The following APOBEC3C variants were observed in gnomAD, a reference collection of about 807,000 sequenced individuals.
APOBEC3C encodes the protein DNA dC->dU-editing enzyme APOBEC-3C.
In APOBEC3C, 14 loss-of-function variants were observed where a neutral mutation model predicts 20.6. The ratio of observed to expected loss-of-function variants is 0.68; its 90% CI spans 0.45 to 1.06. APOBEC3C has a LOEUF of 1.06. Ranked by LOEUF, APOBEC3C falls within the 50% of genes least tolerant of loss-of-function variation. The pLI, the probability that APOBEC3C is intolerant of heterozygous loss-of-function variation, is 0.00. For missense variants in APOBEC3C, 244 were observed against 241.9 expected, an observed-to-expected ratio of 1.01 and a Z score of -0.06; for synonymous variants, 98 against 88.8, an observed-to-expected ratio of 1.10 and a Z score of -0.58.
Position 39,017,789 on chromosome 22 carries a change from T to G in APOBEC3C, c.198T>G (p.His66Gln). The G allele has an allele frequency of 6.2e-7, 1 of 1,613,726 alleles. No individual in the cohort carries two copies. Among genetic ancestry groups the G allele is most frequent in the African/African-American group, 1.3e-5 (1 of 75,036 alleles). ...AGGTGGATTCTGAGACCCATTGTCA[T>G]GCAGAAAGGTGCTTCCTCTCTTGGT... ...RNQVDSETHC[H>Q]AERCFLSWFC... The change falls in exon 3 of 4, where the codon CAT becomes CAG. Residue 66 changes from histidine to glutamine, a missense_variant. Transcript: ENST00000361441.
intron 2 of APOBEC3C, among the ~76,000 whole-genome samples, chr22:39,017,306 C>T (rs992338292): frequency 2.6e-5 from 4 of 151,630 alleles, no homozygotes; most frequent in East Asian, 1.9e-4. Context: ...AATAAAACAC[C>T]CTGGGGCCTA....
intron 2 of APOBEC3C, among the ~76,000 whole-genome samples, chr22:39,017,030 G>A (rs1184437508): frequency 6.6e-5 from 10 of 152,126 alleles, no homozygotes; most frequent in Admixed American, 4.6e-4. Context: ...TTGGGAGTTC[G>A]AGACCAGCCT....
Position 39,018,441 on chromosome 22 carries a change from A to C in APOBEC3C, c.*54A>C. ...TCCTCTAGCCTCCTGCTCATGCTGCACGGGCCTCCCCTCCACCCTGGACCC... is the reference window on the plus strand; with the variant it reads ...TCCTCTAGCCTCCTGCTCATGCTGCCCGGGCCTCCCCTCCACCCTGGACCC... On this transcript the variant is annotated 3_prime_UTR_variant, in exon 4 of 4. Transcript: ENST00000361441. 6.3e-7 allele frequency: 1 copy of C among 1,585,368 alleles called. No individual in the cohort carries two copies. The highest frequency in any genetic ancestry group is 1.1e-5 in the South Asian group (1 of 88,700).
intron 2 of APOBEC3C, 93 bp from the exon 3 acceptor site, chr22:39,017,673 C>A: frequency 6.8e-7 from 1 of 1,479,164 alleles, no homozygotes; most frequent in Non-Finnish European, 9.2e-7. Context: ...CGGCCCGGGG[C>A]TCCAGGCCCG....
At position 39,018,631 on chromosome 22, in the gene APOBEC3C, C is replaced by G. The variant is rs745464918; in HGVS notation, c.*244C>G. 2 of 377,948 alleles carry G rather than the reference C, an allele frequency of 5.3e-6. No individual in the cohort carries two copies. Among genetic ancestry groups the G allele is most frequent in the South Asian group, 3.7e-5 (1 of 27,074 alleles). 23.4% of individuals were successfully genotyped at this position (377,948 alleles called of 1,614,324 possible). The stretch of plus-strand genomic sequence containing the variant: ...ACCCCCACAGACCCCGTTCCTCCAG[C>G]CTGCGTGCCCCTAACCTGGCTTTTC... On this transcript the variant is annotated 3_prime_UTR_variant, in exon 4 of 4. Coordinates refer to ENST00000361441, the MANE Select transcript of APOBEC3C (RefSeq NM_014508.3).
rs1924888669 is a variant in APOBEC3C at position 39,018,501 on chromosome 22, T to C, written c.*114T>C. 1.2e-5 allele frequency: 16 copies of C among 1,283,634 alleles called. No homozygotes were observed. The South Asian group carries it at 1.5e-4, about 12-fold the overall frequency. The allele number at this position is 1,283,634 out of a possible 1,614,324, so 79.5% of individuals were successfully genotyped here. A position where few individuals can be genotyped will look rare whatever the true frequency, so the allele number is the denominator to read the frequency against. On this transcript the variant is annotated 3_prime_UTR_variant, in exon 4 of 4. Transcript: ENST00000361441. ...CTGCCTGGTCATCCTGAGCCCCTCC[T>C]GGCCTCAGGGCCATTCCACAGTGCT...
In APOBEC3C at chr22:39,017,716, C is replaced by T. The variant is rs774580139; in HGVS notation, c.175-50C>T. The T allele has an allele frequency of 3.0e-5, 48 of 1,588,302 alleles. No individual in the cohort carries two copies. In the African/African-American group the frequency reaches 4.4e-4, roughly 15 times the overall value. On this transcript the variant is annotated intron_variant, in intron 2 of 3. Transcript: ENST00000361441. The stretch of plus-strand genomic sequence containing the variant: ...CTCCCATCGCCCCACCCCTGCACTC[C>T]TCCTGCTCCTGGTCTGAGCTCCCCT...
rs77938722 is a variant in APOBEC3C, at chr22:39,017,993, G to A, written c.402G>A (p.Gly134=). The A allele has an allele frequency of 6.2e-7, 1 of 1,614,200 alleles. No homozygotes were observed. Among genetic ancestry groups the A allele is most frequent in the Non-Finnish European group, 8.5e-7 (1 of 1,180,044 alleles). ...YYFQYPCYQE[G]LRSLSQEGVA... ...TCCAGTATCCATGTTACCAGGAGGG[G>A]CTCCGCAGCCTGAGTCAGGAAGGGG... The change falls in exon 3 of 4, where the codon GGG becomes GGA. Residue 134 remains glycine, a synonymous_variant. Coordinates refer to ENST00000361441, the MANE Select transcript of APOBEC3C (RefSeq NM_014508.3).
rs762421433 is a variant in APOBEC3C, at chr22:39,017,930, C to T, written c.339C>T (p.Asn113=). Reference sequence around the variant, plus strand: ...CCGAGTTCCTGGCCAGGCACAGCAACGTGAATCTCACCATCTTCACCGCCC... The same window carrying T: ...CCGAGTTCCTGGCCAGGCACAGCAATGTGAATCTCACCATCTTCACCGCCC... ...EVAEFLARHS[N]VNLTIFTARL... is the part of the protein sequence containing the mutation. Residue 113 remains asparagine (N), a synonymous_variant, in exon 3 of 4, where the codon AAC becomes AAT. Transcript: ENST00000361441. 8.1e-6 allele frequency: 13 copies of T among 1,614,070 alleles called. No individual in the cohort carries two copies. The South Asian group carries it at 1.2e-4, about 15-fold the overall frequency.
In APOBEC3C at chr22:39,018,043, A is replaced by G. The variant is rs1482498937; in HGVS notation, c.452A>G (p.Glu151Gly). 6.2e-7 allele frequency: 1 copy of G among 1,613,794 alleles called. No individual in the cohort carries two copies. Among genetic ancestry groups the G allele is most frequent in the Non-Finnish European group, 8.5e-7 (1 of 1,179,868 alleles). Residue 151 changes from glutamate to glycine, a missense_variant and splice_region_variant, in exon 3 of 4, where the codon GAA (glutamate) becomes GGA (glycine). Coordinates refer to ENST00000361441, the MANE Select transcript of APOBEC3C (RefSeq NM_014508.3). ...EGVAVEIMDYEDFKYCWENFV... is the reference protein window; with the variant it reads ...EGVAVEIMDYGDFKYCWENFV... ...GTCGCTGTGGAGATCATGGACTATG[A>G]AGGTGAGACGTGGGGGGCTGAGGAG...
Position 39,017,888 on chromosome 22 carries a change from C to G in APOBEC3C, c.297C>G (p.Asp99Glu), listed in dbSNP as rs143646385. The change falls in exon 3 of 4, where the codon GAC becomes GAG. Residue 99 changes from aspartate to glutamate, a missense_variant. Asp to Glu is a conservative substitution (Grantham distance 45). Transcript: ENST00000361441. The stretch of plus-strand genomic sequence containing the variant: ...ACACATCTTGGAGCCCTTGCCCAGA[C>G]TGTGCAGGGGAGGTGGCCGAGTTCC... ...TWYTSWSPCP[D>E]CAGEVAEFLA... 2.2e-4 allele frequency: 349 copies of G among 1,614,226 alleles called. No individual in the cohort carries two copies. The East Asian group carries it at 3.2e-3, about 15-fold the overall frequency.
In APOBEC3C at chr22:39,015,695, G is replaced by C; in HGVS notation, c.118G>C (p.Glu40Gln). The change falls in exon 2 of 4, where the codon GAA becomes CAA. Residue 40 changes from glutamate (E) to glutamine (Q), a missense_variant. By Grantham distance (29) the Glu-to-Gln change is conservative. Coordinates refer to ENST00000361441, the MANE Select transcript of APOBEC3C (RefSeq NM_014508.3). ...RNETWLCFTVEGIKRRSVVSW... is the reference protein window; with the variant it reads ...RNETWLCFTVQGIKRRSVVSW... ...CGAAACTTGGCTGTGCTTCACCGTG[G>C]AAGGTATAAAGCGCCGCTCAGTTGT... 1 of 1,614,136 alleles carries C rather than the reference G, an allele frequency of 6.2e-7. No homozygotes were observed.
chr22:39,017,417 C>G (rs746818013), intron 2 of APOBEC3C, among the ~76,000 whole-genome samples: 5 of 151,988 alleles, frequency 3.3e-5, no homozygotes, highest in East Asian at 1.9e-4. Flanking sequence ...GCAGGAGGAT[C>G]GCTTGAGCCC....
rs141244036 is a variant in APOBEC3C at position 39,018,023 on chromosome 22, T to C, written c.432T>C (p.Ala144=). The change falls in exon 3 of 4, where the codon GCT becomes GCC. Residue 144 remains alanine, a synonymous_variant. Coordinates refer to ENST00000361441, the MANE Select transcript of APOBEC3C (RefSeq NM_014508.3). ...GLRSLSQEGV[A]VEIMDYEDFK... is the part of the protein sequence containing the mutation. Reference sequence around the variant, plus strand: ...GCAGCCTGAGTCAGGAAGGGGTCGCTGTGGAGATCATGGACTATGAAGGTG... The same window carrying C: ...GCAGCCTGAGTCAGGAAGGGGTCGCCGTGGAGATCATGGACTATGAAGGTG... The C allele has an allele frequency of 2.2e-5, 36 of 1,614,090 alleles. No individual in the cohort carries two copies. The African/African-American group carries it at 4.4e-4, about 20-fold the overall frequency.
Position 39,018,552 on chromosome 22 carries a change from C to T in APOBEC3C, c.*165C>T. 1 of 712,666 alleles carries T rather than the reference C, an allele frequency of 1.4e-6. No homozygotes were observed. Among genetic ancestry groups the T allele is most frequent in the Non-Finnish European group, 2.3e-6 (1 of 440,428 alleles). 44.1% of individuals were successfully genotyped at this position (712,666 alleles called of 1,614,324 possible). A position where few individuals can be genotyped will look rare whatever the true frequency, so the allele number is the denominator to read the frequency against. ...CCCCTGCCTCACCGCTTCCTCCTCG[C>T]TCTTCCAGACTCTTCCTGCAGAGGC... On this transcript the variant is annotated 3_prime_UTR_variant, in exon 4 of 4. Transcript: ENST00000361441.
rs200232887 is a variant in APOBEC3C, at chr22:39,018,021, G to T, written c.430G>T (p.Ala144Ser). 1.2e-6 allele frequency: 2 copies of T among 1,614,148 alleles called. No individual in the cohort carries two copies. The highest frequency in any genetic ancestry group is 1.1e-5 in the South Asian group (1 of 91,078). ...CCGCAGCCTGAGTCAGGAAGGGGTC[G>T]CTGTGGAGATCATGGACTATGAAGG... Reference protein sequence around the residue: ...GLRSLSQEGVAVEIMDYEDFK... With the variant: ...GLRSLSQEGVSVEIMDYEDFK... Residue 144 changes from alanine (A) to serine (S), a missense_variant, in exon 3 of 4, where the codon GCT becomes TCT. Physicochemically the swap from Ala to Ser is moderately conservative, Grantham distance 99. Coordinates refer to ENST00000361441, the MANE Select transcript of APOBEC3C (RefSeq NM_014508.3).
At position 39,020,137 on chromosome 22, in the gene APOBEC3C, C is replaced by G. The variant is rs561551156; in HGVS notation, c.*1750C>G. 4.9e-4 allele frequency: 75 copies of G among 152,276 alleles called. No individual in the cohort carries two copies. The highest frequency in any genetic ancestry group is 1.5e-3 in the African/African-American group (64 of 41,558). 9.4% of individuals were successfully genotyped at this position (152,276 alleles called of 1,614,324 possible). A position where few individuals can be genotyped will look rare whatever the true frequency, so the allele number is the denominator to read the frequency against. The stretch of plus-strand genomic sequence containing the variant: ...CACATGTTTGTTCAATAAGCATGGA[C>G]TGCAACCACCTACATGAATATTCAT... On this transcript the variant is annotated 3_prime_UTR_variant, in exon 4 of 4. Coordinates refer to ENST00000361441, the MANE Select transcript of APOBEC3C (RefSeq NM_014508.3).
In APOBEC3C at chr22:39,018,606, A is replaced by C. The variant is rs1603273770; in HGVS notation, c.*219A>C. 7 of 440,576 alleles carry C rather than the reference A, an allele frequency of 1.6e-5. No individual in the cohort carries two copies. The highest frequency in any genetic ancestry group is 6.6e-5 in the South Asian group (2 of 30,450). The allele number at this position is 440,576 out of a possible 1,614,324, so 27.3% of individuals were successfully genotyped here. ...TTTCTGCCTCCATGGCTATCCATCC[A>C]CCCCCACAGACCCCGTTCCTCCAGC... On this transcript the variant is annotated 3_prime_UTR_variant, in exon 4 of 4. Coordinates refer to ENST00000361441, the MANE Select transcript of APOBEC3C (RefSeq NM_014508.3).
intron 1 of APOBEC3C, among the ~76,000 whole-genome samples, chr22:39,015,389 C>T (rs1007220257): frequency 6.6e-6 from 1 of 152,102 alleles, no homozygotes; most frequent in African/African-American, 2.4e-5. Context: ...GAGGTCACCC[C>T]GGCCCTGCTG....
Sources: allele counts gnomAD v4.1 joint callset (sites outside exome capture counted in the v4.1 genomes callset), GRCh38; gene constraint gnomAD v4.1.1; transcripts MANE v1.5; gene names NCBI Gene and HGNC (gene_info 2026-07-23, HGNC 2026-07-21).